Variants in RHPN1 observed in about 807,000 individuals in gnomAD.
RHPN1 encodes rhophilin Rho GTPase binding protein 1, also known as rhophilin-1.
A neutral mutation model predicts 74.7 loss-of-function variants in RHPN1; 77 were observed. The observed-to-expected ratio is 1.03, with a 90% CI of 0.86 to 1.25. The LOEUF is 1.25. RHPN1 is among the 50% of genes most tolerant of loss of function. RHPN1 has a pLI of 0.00. For synonymous variants in RHPN1, 444 were observed against 414.5 expected, an observed-to-expected ratio of 1.07 and a Z score of -0.87; for missense variants, 987 against 932.2, an observed-to-expected ratio of 1.06 and a Z score of -0.77.
At chr8:143,377,053 T>C (rs916305447) in intron 3 of RHPN1, among the ~76,000 whole-genome samples, 2 of 51,104 alleles carry the variant, frequency 3.9e-5, no homozygotes, top group African/African-American at 1.0e-4. Flanking sequence ...TGTGTGTGTC[T>C]GTGTGTGCGC....
chr8:143,368,966 C>G lies in RHPN1; in HGVS notation c.-22C>G, dbSNP rs1586796988. 6.8e-7 allele frequency: 1 copy of G among 1,469,088 alleles called. No individual in the cohort carries two copies. The highest frequency in any genetic ancestry group is 1.5e-5 in the African/African-American group (1 of 67,694). The allele number at this position is 1,469,088 out of a possible 1,614,324, so 91.0% of individuals were successfully genotyped here. A position where few individuals can be genotyped will look rare whatever the true frequency, so the allele number is the denominator to read the frequency against. The stretch of plus-strand genomic sequence containing the variant: ...GGCGGGCTGGCTGACCCCGAGGGAC[C>G]CCCAGCGCAGCGGGTGCGGCGATGA... On this transcript the variant is annotated 5_prime_UTR_variant, in exon 1 of 15. Transcript: ENST00000289013.
intron 1 of RHPN1, among the ~76,000 whole-genome samples, chr8:143,373,633 A>G (rs577562336): frequency 8.1e-5 from 2 of 24,744 alleles, no homozygotes; most frequent in Non-Finnish European, 1.2e-4. Context: ...CGGGGCGGGG[A>G]TTTGGGGGAT....
rs369377539 is a variant in RHPN1 at position 143,372,667 on chromosome 8, A to G, written c.61-2886A>G. Among the ~76,000 whole-genome samples the G allele has an allele frequency of 2.6e-5, 4 of 151,618 alleles. No homozygotes were observed. The South Asian group carries it at 6.3e-4, about 24-fold the overall frequency. On this transcript the variant is annotated intron_variant, in intron 1 of 14. Coordinates refer to ENST00000289013, the MANE Select transcript of RHPN1 (RefSeq NM_052924.3). Reference sequence around the variant, plus strand: ...CTAAGCGCCAACTCATCTTCAGTTCAGGGACCTCCGTCAGGCTCCCTCACC... The same window carrying G: ...CTAAGCGCCAACTCATCTTCAGTTCGGGGACCTCCGTCAGGCTCCCTCACC...
Position 143,378,356 on chromosome 8 carries a change from T to TCGGGGGGGGGGCG in RHPN1, c.459+11_459+12insGGGGGGGGGGCGC. On this transcript the variant is annotated intron_variant, in intron 5 of 14. Transcript: ENST00000289013. ...GGAGGCCCTGCGGCAGGTGTGTGGT[T>TCGGGGGGGGGGCG]CCCCCGCCCACCCACCCTCCTGCAG... 6.6e-7 allele frequency: 1 copy of TCGGGGGGGGGGCG among 1,525,436 alleles called. No homozygotes were observed. Among genetic ancestry groups the TCGGGGGGGGGGCG allele is most frequent in the Non-Finnish European group, 8.8e-7 (1 of 1,136,346 alleles). 94.5% of individuals were successfully genotyped at this position (1,525,436 alleles called of 1,614,324 possible). A position where few individuals can be genotyped will look rare whatever the true frequency, so the allele number is the denominator to read the frequency against.
chr8:143,365,538 G>A (rs1359231181), upstream of RHPN1, among the ~76,000 whole-genome samples: 1 of 152,198 alleles, frequency 6.6e-6, no homozygotes, highest in East Asian at 1.9e-4. Flanking sequence ...CACAGCCATT[G>A]GGCCTTGGGT....
At chr8:143,382,030 C>T (rs1356626789) in intron 14 of RHPN1, 62 bp downstream of exon 14, 7 of 1,461,122 alleles carry the variant, frequency 4.8e-6, no homozygotes, top group Non-Finnish European at 6.4e-6. Context: ...TGGCCCTGGG[C>T]CTGCCTTGGA....
chr8:143,378,001 G>A (rs556085373), intron 4 of RHPN1, among the ~76,000 whole-genome samples: 7 of 152,308 alleles, frequency 4.6e-5, no homozygotes, highest in African/African-American at 1.4e-4. Context: ...TCCAGGCCCC[G>A]CTTCTGTGAT....
In RHPN1 at chr8:143,374,235, G is replaced by A. The variant is rs144247206; in HGVS notation, c.61-1318G>A. The A allele has an allele frequency of 1.9e-5, 19 of 985,470 alleles. No individual in the cohort carries two copies. The African/African-American group carries it at 2.1e-4, about 11-fold the overall frequency. The allele number at this position is 985,470 out of a possible 1,614,324, so 61.0% of individuals were successfully genotyped here. A position where few individuals can be genotyped will look rare whatever the true frequency, so the allele number is the denominator to read the frequency against. The stretch of plus-strand genomic sequence containing the variant: ...GCGTGGAGAGGGTGTCGGGTCCACA[G>A]AGGGGAAGACCCAGTGCGTGTGCAC... On this transcript the variant is annotated intron_variant, in intron 1 of 14. Coordinates refer to ENST00000289013, the MANE Select transcript of RHPN1 (RefSeq NM_052924.3).
intron 7 of RHPN1, 103 bp from the exon 8 acceptor site, chr8:143,379,212 T>C (rs1818514266): frequency 1.4e-6 from 2 of 1,391,620 alleles, no homozygotes; most frequent in Middle Eastern, 2.4e-4. Flanking sequence ...ATCAGGTCCA[T>C]ATGTGTCCCA....
In RHPN1 at chr8:143,373,995, C is replaced by T. The variant is rs1818041627; in HGVS notation, c.61-1558C>T. Reference sequence around the variant, plus strand: ...CACCCATAATAGATGGTCACCCGCTCAGCTGGCTGCTGTGATTTTGGGGGG... The same window carrying T: ...CACCCATAATAGATGGTCACCCGCTTAGCTGGCTGCTGTGATTTTGGGGGG... On this transcript the variant is annotated intron_variant, in intron 1 of 14. Transcript: ENST00000289013. 2 of 362,122 alleles carry T rather than the reference C, an allele frequency of 5.5e-6. 1 individual carries two copies. Among genetic ancestry groups the T allele is most frequent in the Admixed American group, 1.3e-4 (2 of 15,538 alleles). 22.4% of individuals were successfully genotyped at this position (362,122 alleles called of 1,614,324 possible).
chr8:143,373,975 A>G (rs1586810287), intron 1 of RHPN1, among the ~76,000 whole-genome samples: 1 of 152,146 alleles, frequency 6.6e-6, no homozygotes, highest in African/African-American at 2.4e-5. Context: ...CAATTCACCC[A>G]TAATAGATGG....
rs575754050 is a variant in RHPN1, at chr8:143,381,716, G to A, written c.1633G>A (p.Ala545Thr). The change falls in exon 13 of 15, where the codon GCG becomes ACG. Residue 545 changes from alanine to threonine, a missense_variant and splice_region_variant. By Grantham distance (58) the Ala-to-Thr change is moderately conservative. Transcript: ENST00000289013. ...TGCCGTCATTCCAGGGAGCCAGGCC[G>A]CGGTAAGGGCCCCGCCGGCCCCCTG... is the stretch of plus-strand genomic sequence containing the variant. ...IAAVIPGSQA[A>T]AAGLKEGDYI... is the part of the protein sequence containing the mutation. 3.7e-5 allele frequency: 60 copies of A among 1,609,446 alleles called. 1 individual carries two copies. The highest frequency in any genetic ancestry group is 3.0e-4 in the South Asian group (27 of 90,600).
chr8:143,365,269 G>A (rs552390430), upstream of RHPN1, among the ~76,000 whole-genome samples: 2 of 152,216 alleles, frequency 1.3e-5, no homozygotes, highest in Admixed American at 1.3e-4. Flanking sequence ...CAACTTTTAG[G>A]GCTGACCTAA....
chr8:143,372,611 C>T (rs2467900), intron 1 of RHPN1, among the ~76,000 whole-genome samples: 17,448 of 151,708 alleles, frequency 0.12, 3,322 homozygotes, highest in African/African-American at 0.4. Context: ...GTGTCCATCC[C>T]TCCGGCCGCC....
Position 143,378,707 on chromosome 8 carries a change from C to A in RHPN1, c.471C>A (p.Thr157=). The A allele has an allele frequency of 6.3e-7, 1 of 1,595,844 alleles. No homozygotes were observed. The highest frequency in any genetic ancestry group is 2.3e-5 in the East Asian group (1 of 43,910). The change falls in exon 6 of 15, where the codon ACC becomes ACA. Residue 157 remains threonine (T), a synonymous_variant. Coordinates refer to ENST00000289013, the MANE Select transcript of RHPN1 (RefSeq NM_052924.3). ...CTCCTGCCCTGCAGGCCATGCGGAC[C>A]CCCAGCCGGAATGAGTCGGGCCTGG... is the stretch of plus-strand genomic sequence containing the variant. ...ELEALRQAMR[T]PSRNESGLEL... is the part of the protein sequence containing the mutation.
In RHPN1 at chr8:143,379,097, G is replaced by A. The variant is rs1309540707; in HGVS notation, c.751+19G>A. ...GCCGCTGGTGAGGGCGGCCCGGGCC[G>A]CGGTGGGGCACGGCGCGGTGCCAGG... is the stretch of plus-strand genomic sequence containing the variant. On this transcript the variant is annotated intron_variant, in intron 7 of 14. Transcript: ENST00000289013. 49 of 1,476,716 alleles carry A rather than the reference G, an allele frequency of 3.3e-5. No individual in the cohort carries two copies. Among genetic ancestry groups the A allele is most frequent in the South Asian group, 2.7e-4 (20 of 74,766 alleles). The allele number at this position is 1,476,716 out of a possible 1,614,324, so 91.5% of individuals were successfully genotyped here.
chr8:143,377,103 T>C (rs986578659), intron 3 of RHPN1, among the ~76,000 whole-genome samples: 7 of 151,886 alleles, frequency 4.6e-5, no homozygotes, highest in Admixed American at 6.6e-5. Context: ...TGTGTGTGCG[T>C]GCGCATGTGT....
At chr8:143,369,860 G>A (rs1174354314) in intron 1 of RHPN1, among the ~76,000 whole-genome samples, 1 of 152,190 alleles carries the variant, frequency 6.6e-6, no homozygotes, top group Non-Finnish European at 1.5e-5. Context: ...CCCTGGGCTG[G>A]TTCTACTCGG....
chr8:143,379,378 C>A lies in RHPN1; in HGVS notation c.815C>A (p.Ser272Tyr), dbSNP rs1818530286. The change falls in exon 8 of 15, where the codon TCC (serine) becomes TAC (tyrosine). Residue 272 changes from serine (S) to tyrosine (Y), a missense_variant. By Grantham distance (144) the Ser-to-Tyr change is moderately radical. Transcript: ENST00000289013. ...HAPSPDMSAA[S>Y]LCALEQLMMA... ...CCGAGCCCAGACATGAGCGCTGCGT[C>A]CCTCTGCGCACTGGAGCAGCTCATG... 6.2e-7 allele frequency: 1 copy of A among 1,601,472 alleles called. No homozygotes were observed. The highest frequency in any genetic ancestry group is 1.7e-5 in the Admixed American group (1 of 58,978).
Sources: gnomAD v4.1 joint callset for allele counts (sites outside exome capture counted in the v4.1 genomes callset) on GRCh38, gnomAD v4.1.1 for gene constraint, MANE v1.5 for transcripts, NCBI Gene and HGNC (gene_info 2026-07-23, HGNC 2026-07-21) for gene names.